The following CDA variants were observed in gnomAD, a reference collection of about 807,000 sequenced individuals.
CDA encodes cytidine deaminase.
In CDA, 7 loss-of-function variants were observed where a neutral mutation model predicts 15.0. The observed-to-expected ratio is 0.47, with a 90% CI of 0.26 to 0.87. The LOEUF (loss-of-function observed/expected upper bound fraction) is 0.87. CDA is among the 40% of genes least tolerant of loss of function. CDA has a pLI of 0.15. For synonymous variants in CDA, 58 were observed against 73.0 expected, an observed-to-expected ratio of 0.79 and a Z score of 1.05; for missense variants, 159 against 182.7, an observed-to-expected ratio of 0.87 and a Z score of 0.75.
At chr1:20,617,561 C>T (rs936086473) in intron 3 of CDA, among the ~76,000 whole-genome samples, 3 of 152,120 alleles carry the variant, frequency 2.0e-5, no homozygotes, top group Non-Finnish European at 4.4e-5. Context: ...ATGGGGGTTC[C>T]CTCACACAAG....
intron 2 of CDA, among the ~76,000 whole-genome samples, chr1:20,613,449 C>T (rs1221329857): frequency 1.3e-5 from 2 of 152,302 alleles, no homozygotes; most frequent in Middle Eastern, 3.4e-3. Flanking sequence ...AGGTGATCCA[C>T]CCACCTCGGC....
chr1:20,609,627 G>A (rs1395204955), intron 2 of CDA, among the ~76,000 whole-genome samples: 1 of 152,214 alleles, frequency 6.6e-6, no homozygotes, highest in African/African-American at 2.4e-5. Flanking sequence ...TACGGCATTT[G>A]TGTGAAATTT....
At position 20,589,217 on chromosome 1, in the gene CDA, T is replaced by C; in HGVS notation, c.88T>C (p.Tyr30His). The part of the protein sequence containing the change: ...VCSQEAKKSA[Y>H]CPYSHFPVGA... Reference sequence around the variant, plus strand: ...CTCCCAGGAGGCCAAGAAGTCAGCCTACTGCCCCTACAGTCACTTTCCTGT... The same window carrying C: ...CTCCCAGGAGGCCAAGAAGTCAGCCCACTGCCCCTACAGTCACTTTCCTGT... Residue 30 changes from tyrosine (Y) to histidine (H), a missense_variant, in exon 1 of 4, where the codon TAC becomes CAC. Physicochemically the swap from Tyr to His is moderately conservative, Grantham distance 83. Coordinates refer to ENST00000375071, the MANE Select transcript of CDA (RefSeq NM_001785.3). 1 of 1,613,834 alleles carries C rather than the reference T, an allele frequency of 6.2e-7. No individual in the cohort carries two copies. Among genetic ancestry groups the C allele is most frequent in the East Asian group, 2.2e-5 (1 of 44,868 alleles).
In CDA at chr1:20,589,118, C is replaced by T. The variant is rs749081273; in HGVS notation, c.-12C>T. 3.5e-5 allele frequency: 57 copies of T among 1,613,910 alleles called. No homozygotes were observed. The highest frequency in any genetic ancestry group is 1.6e-4 in the Middle Eastern group (1 of 6,078). On this transcript the variant is annotated 5_prime_UTR_variant, in exon 1 of 4. Coordinates refer to ENST00000375071, the MANE Select transcript of CDA (RefSeq NM_001785.3). ...GTTTCCCGCTGCTCTGCTGCCTGCC[C>T]GGGGTACCAACATGGCCCAGAAGCG...
At chr1:20,599,024 CAG>C (rs1363656436) in intron 1 of CDA, among the ~76,000 whole-genome samples, 1 of 152,136 alleles carries the variant, frequency 6.6e-6, no homozygotes, top group Admixed American at 6.5e-5. Context: ...GAAATGGATA[CAG>C]AGAGTTGGAG....
At chr1:20,592,410 T>C (rs1398178683) in intron 1 of CDA, among the ~76,000 whole-genome samples, 2 of 152,176 alleles carry the variant, frequency 1.3e-5, no homozygotes, top group African/African-American at 2.4e-5. Context: ...CTATTAATGC[T>C]ATCATTATTC....
intron 2 of CDA, 92 bp downstream of exon 2, chr1:20,605,131 CAT>C: frequency 1.2e-6 from 1 of 842,274 alleles, no homozygotes. Context: ...ATTCATCTGA[CAT>C]ATGTTTATTG....
In CDA at chr1:20,615,470, CA is replaced by C. The variant is rs35351279; in HGVS notation, c.324+1586del. Reference sequence around the variant, plus strand: ...CAACATAGCGAGACCCTGTTCTCCACAAAAAAAAAAAAAAAGGAATAAAACA... The same window carrying C: ...CAACATAGCGAGACCCTGTTCTCCACAAAAAAAAAAAAAAGGAATAAAACA... On this transcript the variant is annotated intron_variant, in intron 3 of 3. Coordinates refer to ENST00000375071, the MANE Select transcript of CDA (RefSeq NM_001785.3). Among the ~76,000 whole-genome samples, 8 of 113,012 alleles carry C rather than the reference CA, an allele frequency of 7.1e-5. No homozygotes were observed. The East Asian group carries it at 1.4e-3, about 20-fold the overall frequency. The allele number at this position is 113,012 out of a possible 152,430, so 74.1% of individuals were successfully genotyped here. A position where few individuals can be genotyped will look rare whatever the true frequency, so the allele number is the denominator to read the frequency against.
chr1:20,606,705 T>C (rs1321477163), intron 2 of CDA, among the ~76,000 whole-genome samples: 10 of 152,174 alleles, frequency 6.6e-5, no homozygotes, highest in Non-Finnish European at 1.5e-4. Context: ...CCAGCCAAGG[T>C]TCTGGCTGAA....
At chr1:20,616,096 G>A (rs987312172) in intron 3 of CDA, among the ~76,000 whole-genome samples, 3 of 152,162 alleles carry the variant, frequency 2.0e-5, no homozygotes, top group African/African-American at 7.2e-5. Context: ...ACCACTCTGA[G>A]GCTCAGAGGA....
In CDA at chr1:20,604,976, G is replaced by A. The variant is rs1333389139; in HGVS notation, c.203G>A (p.Arg68Gln). The change falls in exon 2 of 4, where the codon CGG becomes CAG. Residue 68 changes from arginine to glutamine, a missense_variant. Coordinates refer to ENST00000375071, the MANE Select transcript of CDA (RefSeq NM_001785.3). ...TACCCGCTGGGCATCTGTGCTGAAC[G>A]GACCGCTATCCAGAAGGCCGTCTCA... ...ACYPLGICAE[R>Q]TAIQKAVSEG... 7.4e-6 allele frequency: 12 copies of A among 1,613,834 alleles called. No individual in the cohort carries two copies. The highest frequency in any genetic ancestry group is 2.2e-5 in the East Asian group (1 of 44,884).
At chr1:20,608,187 G>A (rs896585378) in intron 2 of CDA, among the ~76,000 whole-genome samples, 4 of 152,166 alleles carry the variant, frequency 2.6e-5, no homozygotes, top group East Asian at 1.9e-4. Flanking sequence ...TGGCAGGAAC[G>A]TTGAGTAAGT....
chr1:20,606,246 C>A (rs11583986), intron 2 of CDA, among the ~76,000 whole-genome samples: 32,363 of 117,524 alleles, frequency 0.28, 5,742 homozygotes, highest in South Asian at 0.34. Flanking sequence ...GAGGCAGGAA[C>A]ATGGCGTGAA....
intron 1 of CDA, among the ~76,000 whole-genome samples, chr1:20,594,794 A>G (rs1181333710): frequency 6.6e-6 from 1 of 151,742 alleles, no homozygotes; most frequent in Non-Finnish European, 1.5e-5. Flanking sequence ...ATCTCAAAAA[A>G]AAAAAAAAGA....
chr1:20,612,711 G>A (rs112453792), intron 2 of CDA, among the ~76,000 whole-genome samples: 3 of 152,002 alleles, frequency 2.0e-5, no homozygotes, highest in African/African-American at 4.8e-5. Flanking sequence ...CCTGGAGGCC[G>A]AGGTGGGCGG....
chr1:20,616,764 C>G (rs1042698626), intron 3 of CDA, among the ~76,000 whole-genome samples: 12 of 152,172 alleles, frequency 7.9e-5, no homozygotes, highest in African/African-American at 2.9e-4. Context: ...GACACGTAAA[C>G]TCGCCCTCGG....
intron 2 of CDA, among the ~76,000 whole-genome samples, chr1:20,611,352 A>T (rs963817766): frequency 6.6e-6 from 1 of 152,174 alleles, no homozygotes; most frequent in Non-Finnish European, 1.5e-5. Context: ...GCAGGCTTGG[A>T]ATTTTCCATC....
chr1:20,611,265 A>G (rs1385650758), intron 2 of CDA, among the ~76,000 whole-genome samples: 1 of 152,168 alleles, frequency 6.6e-6, no homozygotes, highest in African/African-American at 2.4e-5. Flanking sequence ...TAAAAATCCT[A>G]TGTTCTTCCA....
At chr1:20,617,291 C>A (rs570036478) in intron 3 of CDA, among the ~76,000 whole-genome samples, 1 of 152,282 alleles carries the variant, frequency 6.6e-6, no homozygotes, top group East Asian at 1.9e-4. Context: ...CTCTGCTAAG[C>A]CTCAGTTTCC....
Sources: gnomAD v4.1 joint callset for allele counts (sites outside exome capture counted in the v4.1 genomes callset) on GRCh38, gnomAD v4.1.1 for gene constraint, MANE v1.5 for transcripts, NCBI Gene and HGNC (gene_info 2026-07-23, HGNC 2026-07-21) for gene names.